The following SV2C variants were observed in gnomAD, a reference collection of about 807,000 sequenced individuals.
SV2C encodes synaptic vesicle glycoprotein 2C.
In SV2C, 49 loss-of-function variants were observed where a neutral mutation model predicts 79.7. The ratio of observed to expected loss-of-function variants is 0.61; its 90% CI spans 0.49 to 0.78. SV2C has a LOEUF of 0.78. Ranked by LOEUF, SV2C falls within the 30% of genes least tolerant of loss-of-function variation. The probability of loss-of-function intolerance (pLI) is 0.00; values close to 1 mark genes in which losing one functional copy is unlikely to be tolerated. For synonymous variants in SV2C, 334 were observed against 333.2 expected (o/e 1.00, Z -0.03); for missense variants, 833 against 912.9 (o/e 0.91, Z 1.13).
chr5:76,129,904 C>G (rs773740190), intron 1 of SV2C, among the ~76,000 whole-genome samples: 2 of 152,080 alleles, frequency 1.3e-5, no homozygotes, highest in Admixed American at 6.6e-5. Flanking sequence ...GTCATCCGTT[C>G]AATGGATAGG....
intron 1 of SV2C, among the ~76,000 whole-genome samples, chr5:76,131,373 A>T (rs898187675): frequency 1.3e-5 from 2 of 152,156 alleles, no homozygotes; most frequent in Non-Finnish European, 2.9e-5. Context: ...TCTCAGGGGA[A>T]TTCCTGTGTA....
At chr5:76,350,665 G>A (rs1749626402) in intron 12 of SV2C, among the ~76,000 whole-genome samples, 1 of 152,162 alleles carries the variant, frequency 6.6e-6, no homozygotes, top group South Asian at 2.1e-4. Context: ...TTTCCTCAAG[G>A]AGCCTACATC....
chr5:76,268,094 G>C (rs567221747), intron 4 of SV2C, among the ~76,000 whole-genome samples: 17 of 152,318 alleles, frequency 1.1e-4, no homozygotes, highest in Non-Finnish European at 1.0e-4. Context: ...CTGGACTGGG[G>C]AGCCCCTGGT....
intron 4 of SV2C, among the ~76,000 whole-genome samples, chr5:76,229,210 C>T (rs2112394690): frequency 6.6e-6 from 1 of 152,354 alleles, no homozygotes; most frequent in Admixed American, 6.5e-5. Context: ...GCTGAGGATC[C>T]TCACCCTGGT....
chr5:75,853,352 C>T, the SV2C span, among the ~76,000 whole-genome samples: 4 of 151,684 alleles, frequency 2.6e-5, no homozygotes, highest in South Asian at 4.2e-4. Flanking sequence ...ATCAGGAGAT[C>T]GAGACCATCC....
At chr5:75,902,136 C>T in the SV2C span, among the ~76,000 whole-genome samples, 1 of 152,160 alleles carries the variant, frequency 6.6e-6, no homozygotes, top group African/African-American at 2.4e-5. Context: ...GTGAGATGAA[C>T]CCGGTACCTC....
the SV2C span, among the ~76,000 whole-genome samples, chr5:75,862,440 G>A: frequency 6.6e-6 from 1 of 152,190 alleles, no homozygotes; most frequent in Non-Finnish European, 1.5e-5. Context: ...TTAGTGTGGG[G>A]AATTTTGGAA....
At chr5:76,211,321 T>C (rs1424572893) in intron 4 of SV2C, among the ~76,000 whole-genome samples, 2 of 152,198 alleles carry the variant, frequency 1.3e-5, no homozygotes, top group Admixed American at 1.3e-4. Context: ...CCTGTACATG[T>C]TGCATGTTTC....
At chr5:75,882,175 T>C in the SV2C span, among the ~76,000 whole-genome samples, 6 of 150,752 alleles carry the variant, frequency 4.0e-5, no homozygotes, top group South Asian at 2.1e-4. Flanking sequence ...ATAAGCTTTT[T>C]GATGTGCTGC....
At chr5:76,085,161 C>G (rs1747142286) in intron 1 of SV2C, among the ~76,000 whole-genome samples, 1 of 152,196 alleles carries the variant, frequency 6.6e-6, no homozygotes, top group African/African-American at 2.4e-5. Context: ...ATGGCAAGTT[C>G]CGAAAGGCCT....
At chr5:76,236,106 A>G (rs935167017) in intron 4 of SV2C, among the ~76,000 whole-genome samples, 39 of 152,196 alleles carry the variant, frequency 2.6e-4, no homozygotes, top group African/African-American at 9.4e-4. Flanking sequence ...TCCACACACC[A>G]TGTCAGCAGC....
chr5:76,095,459 T>C (rs565960592), intron 1 of SV2C, among the ~76,000 whole-genome samples: 7 of 152,276 alleles, frequency 4.6e-5, no homozygotes, highest in Middle Eastern at 3.4e-3. Context: ...ATTGTCAAAC[T>C]TATTGCATAG....
intron 2 of SV2C, among the ~76,000 whole-genome samples, chr5:76,184,638 GC>G (rs1466578712): frequency 2.0e-5 from 3 of 152,200 alleles, no homozygotes; most frequent in Non-Finnish European, 4.4e-5. Context: ...AAGGGGGGAA[GC>G]CCCTTGTAAA....
At chr5:75,997,197 C>G in the SV2C span, among the ~76,000 whole-genome samples, 18 of 151,982 alleles carry the variant, frequency 1.2e-4, no homozygotes, top group African/African-American at 2.7e-4. Context: ...AGCATGAAGC[C>G]TTGTTGAATT....
intron 12 of SV2C, among the ~76,000 whole-genome samples, chr5:76,303,265 C>T (rs767177853): frequency 3.3e-5 from 5 of 152,316 alleles, no homozygotes; most frequent in South Asian, 2.1e-4. Flanking sequence ...TCTTTGTGAA[C>T]GAGGTCCTGC....
chr5:76,112,575 C>T (rs1748128589), intron 1 of SV2C, among the ~76,000 whole-genome samples: 1 of 151,980 alleles, frequency 6.6e-6, no homozygotes, highest in African/African-American at 2.4e-5. Context: ...TTTCTGGCTG[C>T]TCTGTGGAGA....
intron 4 of SV2C, among the ~76,000 whole-genome samples, chr5:76,232,632 G>A (rs1473379112): frequency 6.7e-6 from 1 of 149,126 alleles, no homozygotes; most frequent in African/African-American, 2.6e-5. Context: ...GTAAGGAAGG[G>A]ATCCAGTTTC....
chr5:76,312,578 C>T (rs1166651934), intron 12 of SV2C, among the ~76,000 whole-genome samples: 1 of 152,206 alleles, frequency 6.6e-6, no homozygotes, highest in Non-Finnish European at 1.5e-5. Flanking sequence ...TACCCCTCCT[C>T]CGTGGCGCTC....
chr5:75,921,024 TA>T, the SV2C span: 22 of 720,336 alleles, frequency 3.1e-5, no homozygotes, highest in Admixed American at 4.5e-4. Flanking sequence ...TTCTCATCCC[TA>T]ATCACCACCC....
Sources: allele counts gnomAD v4.1 joint callset (sites outside exome capture counted in the v4.1 genomes callset), GRCh38; gene constraint gnomAD v4.1.1; transcripts MANE v1.5; gene names NCBI Gene and HGNC (gene_info 2026-07-23, HGNC 2026-07-21).